MS4A18: variants seen among roughly 807,000 people sequenced by gnomAD.
MS4A18 encodes membrane-spanning 4-domains subfamily A member 18.
A neutral mutation model predicts 13.1 loss-of-function variants in MS4A18; 27 were observed. That is an observed-to-expected ratio of 2.06 (90% CI 1.52 to 2.84). The LOEUF (loss-of-function observed/expected upper bound fraction) is 2.84. Ranked by LOEUF, MS4A18 falls within the 30% of genes most tolerant of loss-of-function variation. MS4A18 has a pLI of 0.00. For missense variants in MS4A18, 307 were observed against 196.4 expected (o/e 1.56, Z -3.37); for synonymous variants, 126 against 76.5 (o/e 1.65, Z -3.38).
chr11:60,736,931 A>G (rs1371510348), intron 2 of MS4A18, 47 bp from the exon 4 acceptor site: 3 of 688,804 alleles, frequency 4.4e-6, no homozygotes, highest in Admixed American at 4.3e-5. Flanking sequence ...CTTTTTTAAC[A>G]TGCTGCACAA....
In MS4A18 at chr11:60,739,023, G is replaced by A. The variant is rs181701133; in HGVS notation, c.744+26G>A. 48 of 702,318 alleles carry A rather than the reference G, an allele frequency of 6.8e-5. 1 individual carries two copies. The highest frequency in any genetic ancestry group is 2.8e-4 in the African/African-American group (16 of 57,346). The allele number at this position is 702,318 out of a possible 1,614,324, so 43.5% of individuals were successfully genotyped here. A position where few individuals can be genotyped will look rare whatever the true frequency, so the allele number is the denominator to read the frequency against. ...GTGAGCATCTGACTGCCAGGGCCCC[G>A]TGCTGCCAAAGGACCAGGAGGGCTT... is the stretch of plus-strand genomic sequence containing the variant. On this transcript the variant is annotated intron_variant, in intron 4 of 5. Transcript: ENST00000529108.
At chr11:60,740,434 T>G (rs1420284845) in intron 4 of MS4A18, among the ~76,000 whole-genome samples, 1 of 152,078 alleles carries the variant, frequency 6.6e-6, no homozygotes, top group African/African-American at 2.4e-5. Flanking sequence ...TCCCAACCTG[T>G]CAAGGGCAGT....
upstream of MS4A18, among the ~76,000 whole-genome samples, chr11:60,728,682 C>T (rs1206974595): frequency 2.0e-5 from 3 of 151,612 alleles, no homozygotes; most frequent in Non-Finnish European, 2.9e-5. Flanking sequence ...TTCCCTCTCG[C>T]TCTCTCTTTC....
At chr11:60,729,275 G>C, upstream of MS4A18, 1 of 679,838 alleles carries the variant, frequency 1.5e-6, no homozygotes, top group East Asian at 2.7e-5. Flanking sequence ...GTCAGAAGAG[G>C]GAAATGCACC....
intron 4 of MS4A18, among the ~76,000 whole-genome samples, chr11:60,739,370 G>A (rs984055897): frequency 2.0e-5 from 3 of 152,118 alleles, no homozygotes; most frequent in Non-Finnish European, 2.9e-5. Context: ...CAGGAGGTGC[G>A]GATGCTAGTT....
intron 2 of MS4A18, among the ~76,000 whole-genome samples, chr11:60,736,072 A>C (rs1316193011): frequency 6.6e-6 from 1 of 152,150 alleles, no homozygotes. Context: ...CTGTATTTGC[A>C]TGCAGCTGGC....
At chr11:60,742,197 C>T (rs1853421760) in intron 5 of MS4A18, among the ~76,000 whole-genome samples, 1 of 152,178 alleles carries the variant, frequency 6.6e-6, no homozygotes. Context: ...TTTTCCAGGA[C>T]CTTGACTCCA....
At position 60,733,514 on chromosome 11, in the gene MS4A18, G is replaced by A. The variant is rs1250863473; in HGVS notation, c.478-20G>A. The A allele has an allele frequency of 8.5e-6, 6 of 703,048 alleles. No homozygotes were observed. The highest frequency in any genetic ancestry group is 1.6e-5 in the Non-Finnish European group (6 of 385,042). The allele number at this position is 703,048 out of a possible 1,614,324, so 43.6% of individuals were successfully genotyped here. A position where few individuals can be genotyped will look rare whatever the true frequency, so the allele number is the denominator to read the frequency against. On this transcript the variant is annotated intron_variant, in intron 1 of 5. Transcript: ENST00000529108. The stretch of plus-strand genomic sequence containing the variant: ...AGGCCCGCAGTTCTGCTCTCTCACA[G>A]TGACTTGTTCTCCCTGCAGGCCATC...
At chr11:60,725,093 G>T (rs543898904), upstream of MS4A18, among the ~76,000 whole-genome samples, 1 of 152,354 alleles carries the variant, frequency 6.6e-6, no homozygotes, top group East Asian at 1.9e-4. Flanking sequence ...TTTTCTGGCT[G>T]CCTTGCTCCC....
At chr11:60,739,055 T>G (rs1441579039) in intron 4 of MS4A18, 58 bp downstream of exon 5, 17 of 697,282 alleles carry the variant, frequency 2.4e-5, no homozygotes, top group Non-Finnish European at 4.4e-5. Context: ...GCTTCTGAGG[T>G]TGCCTCCCCA....
chr11:60,730,624 T>C (rs553924336), intron 1 of MS4A18, among the ~76,000 whole-genome samples: 2 of 152,320 alleles, frequency 1.3e-5, no homozygotes, highest in African/African-American at 4.8e-5. Context: ...TTTGAGAAGT[T>C]ACAAACTGCC....
chr11:60,740,926 G>A, intron 4 of MS4A18, 104 bp from the exon 6 acceptor site: 4 of 685,720 alleles, frequency 5.8e-6, no homozygotes, highest in Non-Finnish European at 1.1e-5. Flanking sequence ...ATGCAGAGAG[G>A]GTCTCAGGCC....
chr11:60,726,872 C>T (rs1420018905), upstream of MS4A18, among the ~76,000 whole-genome samples: 1 of 151,870 alleles, frequency 6.6e-6, no homozygotes, highest in Non-Finnish European at 1.5e-5. Context: ...AACCCGTCAT[C>T]TAGGTTTTAA....
chr11:60,728,513 A>ATG (rs147898510), upstream of MS4A18, among the ~76,000 whole-genome samples: 39 of 113,868 alleles, frequency 3.4e-4, no homozygotes, highest in African/African-American at 1.1e-3. Context: ...GTGTGTGTGT[A>ATG]TGTGTGTGTG....
In MS4A18 at chr11:60,742,014, G is replaced by C. The variant is rs777311083; in HGVS notation, c.858+871G>C. On this transcript the variant is annotated intron_variant, in intron 5 of 5. Coordinates refer to ENST00000529108, the Ensembl canonical transcript of MS4A18. ...TCCCCATTCAATAAAGGAAAGAACA[G>C]AAGCACAAGATTGTCACTGCTCCAT... is the stretch of plus-strand genomic sequence containing the variant. Among the ~76,000 whole-genome samples, 237 of 152,346 alleles carry C rather than the reference G, an allele frequency of 1.6e-3. 1 individual carries two copies. The highest frequency in any genetic ancestry group is 3.1e-3 in the Non-Finnish European group (211 of 68,020).
chr11:60,743,948 C>T, exon 6 of MS4A18: 1 of 703,082 alleles, frequency 1.4e-6, no homozygotes, highest in Non-Finnish European at 2.6e-6. Flanking sequence ...TGTGTCAATG[C>T]TATCCACACC....
At chr11:60,725,881 C>A (rs1853152633), upstream of MS4A18, among the ~76,000 whole-genome samples, 2 of 152,064 alleles carry the variant, frequency 1.3e-5, no homozygotes, top group East Asian at 3.9e-4. Context: ...GGTTATGAGG[C>A]ATCAACATCC....
At chr11:60,741,223 C>A in intron 5 of MS4A18, 80 bp downstream of exon 6, 1 of 700,150 alleles carries the variant, frequency 1.4e-6, no homozygotes, top group Non-Finnish European at 2.6e-6. Context: ...AACCAGAGAT[C>A]TGGAGAAATG....
intron 1 of MS4A18, among the ~76,000 whole-genome samples, chr11:60,731,927 T>C (rs1478078803): frequency 6.6e-6 from 1 of 152,212 alleles, no homozygotes; most frequent in Non-Finnish European, 1.5e-5. Flanking sequence ...CTATTTTTTT[T>C]CTAAATGGGA....
Sources: allele counts gnomAD v4.1 joint callset (sites outside exome capture counted in the v4.1 genomes callset), GRCh38; gene constraint gnomAD v4.1.1; transcripts MANE v1.5; gene names NCBI Gene and HGNC (gene_info 2026-07-23, HGNC 2026-07-21).